The following IRAK2 variants were observed in gnomAD, a reference collection of about 807,000 sequenced individuals.
The protein encoded by IRAK2 is interleukin 1 receptor associated kinase 2.
In IRAK2, 57 loss-of-function variants were observed where a neutral mutation model predicts 72.0. That is an observed-to-expected ratio of 0.79 (90% CI 0.64 to 0.99). The LOEUF is 0.99. Ranked by LOEUF, IRAK2 falls within the 50% of genes least tolerant of loss-of-function variation. IRAK2 has a pLI of 0.00. For missense variants in IRAK2, 790 were observed against 794.4 expected, an observed-to-expected ratio of 0.99 and a Z score of 0.07; for synonymous variants, 293 against 312.7, an observed-to-expected ratio of 0.94 and a Z score of 0.67.
In IRAK2 at chr3:10,184,967, G is replaced by A. The variant is rs571301430; in HGVS notation, c.277+6947G>A. 8.0e-5 allele frequency among the ~76,000 whole-genome samples: 12 copies of A among 150,512 alleles called. No individual in the cohort carries two copies. The East Asian group carries it at 1.2e-3, about 15-fold the overall frequency. On this transcript the variant is annotated intron_variant, in intron 2 of 12. Coordinates refer to ENST00000256458, the MANE Select transcript of IRAK2 (RefSeq NM_001570.4). ...TTAGCCAGGGTGATCTCCTGACCTC[G>A]TGATCCGCCCGCCTTGGCCTCCCAA...
chr3:10,186,043 C>T (rs1697069969), intron 2 of IRAK2, among the ~76,000 whole-genome samples: 1 of 151,334 alleles, frequency 6.6e-6, no homozygotes, highest in African/African-American at 2.5e-5. Flanking sequence ...GCACTTCAGC[C>T]TGGGTGACAG....
intron 3 of IRAK2, among the ~76,000 whole-genome samples, chr3:10,208,702 G>T (rs561358970): frequency 6.6e-6 from 1 of 151,870 alleles, no homozygotes; most frequent in African/African-American, 2.4e-5. Context: ...GGCGGAGCTT[G>T]CAGTGAGCCG....
In IRAK2 at chr3:10,213,335, G is replaced by A. The variant is rs1697553225; in HGVS notation, c.657G>A (p.Gly219=). The part of the protein sequence containing the change: ...DFNQNRKISQ[G]TFADVYRGHR... ...ATCAAAACCGCAAAATCAGCCAGGG[G>A]ACCTTTGCTGACGTCTACAGAGGGC... Residue 219 remains glycine, a synonymous_variant, in exon 5 of 13, where the codon GGG becomes GGA. Coordinates refer to ENST00000256458, the MANE Select transcript of IRAK2 (RefSeq NM_001570.4). The A allele has an allele frequency of 1.2e-6, 2 of 1,614,086 alleles. No individual in the cohort carries two copies. Among genetic ancestry groups the A allele is most frequent in the East Asian group, 4.5e-5 (2 of 44,876 alleles).
intron 2 of IRAK2, among the ~76,000 whole-genome samples, chr3:10,183,065 C>G (rs529107949): frequency 1.3e-4 from 20 of 152,302 alleles, no homozygotes; most frequent in African/African-American, 4.3e-4. Flanking sequence ...AGCCACCGCG[C>G]CTGGCTGGAT....
intron 12 of IRAK2, 139 bp from the exon 13 acceptor site, chr3:10,241,975 TAA>T: frequency 5.5e-6 from 2 of 360,928 alleles, no homozygotes; most frequent in Non-Finnish European, 9.2e-6. Context: ...CCTGTCTCGA[TAA>T]AAAAAAAAGA....
At chr3:10,241,988 A>G in intron 12 of IRAK2, 128 bp from the exon 13 acceptor site, 6 of 479,546 alleles carry the variant, frequency 1.3e-5, no homozygotes, top group South Asian at 2.7e-5. Flanking sequence ...AAAAAAAAGA[A>G]AAAAAAAAAA....
At position 10,186,068 on chromosome 3, in the gene IRAK2, TCAA is replaced by T. The variant is rs370082817; in HGVS notation, c.277+8070_277+8072del. On this transcript the variant is annotated intron_variant, in intron 2 of 12. Coordinates refer to ENST00000256458, the MANE Select transcript of IRAK2 (RefSeq NM_001570.4). ...CTGGGTGACAGAGCAAGACTCCGTC[TCAA>T]CAACAACAACAACAACAACAAAACA... Among the ~76,000 whole-genome samples the T allele has an allele frequency of 2.3e-3, 343 of 151,078 alleles. 19 individuals are homozygous for T. Among genetic ancestry groups the T allele is most frequent in the African/African-American group, 7.8e-3 (315 of 40,630 alleles).
chr3:10,178,040 C>T lies in IRAK2; in HGVS notation c.277+20C>T, dbSNP rs1696905320. 4 of 1,578,362 alleles carry T rather than the reference C, an allele frequency of 2.5e-6. No individual in the cohort carries two copies. Among genetic ancestry groups the T allele is most frequent in the Non-Finnish European group, 3.5e-6 (4 of 1,158,076 alleles). On this transcript the variant is annotated intron_variant, in intron 2 of 12. Transcript: ENST00000256458. ...TGAACTGTGAGTAACTCAGGGCCCT[C>T]CTTGAGTGGGGCCCATCACGCTCCT... is the stretch of plus-strand genomic sequence containing the variant.
rs138639711 is a variant in IRAK2 at position 10,237,929 on chromosome 3, C to CTGTGTGTGTGTGTG, written c.1474-794_1474-781dup. ...GGGTATAAGGGTATGTATGTGTGCT[C>CTGTGTGTGTGTGTG]TGTGTGTGTGTGTGTGTGTGTGTGT... On this transcript the variant is annotated intron_variant, in intron 11 of 12. Coordinates refer to ENST00000256458, the MANE Select transcript of IRAK2 (RefSeq NM_001570.4). Among the ~76,000 whole-genome samples, 285 of 138,314 alleles carry CTGTGTGTGTGTGTG rather than the reference C, an allele frequency of 2.1e-3. 2 individuals carry two copies. The highest frequency in any genetic ancestry group is 3.5e-3 in the Middle Eastern group (1 of 286). The allele number at this position is 138,314 out of a possible 152,430, so 90.7% of individuals were successfully genotyped here.
At position 10,202,394 on chromosome 3, in the gene IRAK2, C is replaced by T. The variant is rs1376171168; in HGVS notation, c.424+1879C>T. Among the ~76,000 whole-genome samples the T allele has an allele frequency of 7.2e-5, 11 of 152,192 alleles. No homozygotes were observed. In the East Asian group the frequency reaches 1.7e-3, roughly 24 times the overall value. ...ATCCTAGCACTTTGGGAGGCTGAGGCGGGTGGATCACGAGGTCAGGAGATC... is the reference window on the plus strand; with the variant it reads ...ATCCTAGCACTTTGGGAGGCTGAGGTGGGTGGATCACGAGGTCAGGAGATC... On this transcript the variant is annotated intron_variant, in intron 3 of 12. Transcript: ENST00000256458.
chr3:10,237,375 T>C (rs1361223230), intron 11 of IRAK2, among the ~76,000 whole-genome samples: 2 of 152,186 alleles, frequency 1.3e-5, no homozygotes, highest in African/African-American at 4.8e-5. Context: ...GGTCAGGGAC[T>C]GGAAGATAAT....
rs11465921 is a variant in IRAK2, at chr3:10,226,538, GC to G, written c.1272+108del. 6,079 of 870,168 alleles carry G rather than the reference GC, an allele frequency of 7.0e-3. 76 individuals are homozygous for G. The highest frequency in any genetic ancestry group is 0.04 in the African/African-American group (2,415 of 59,686). The allele number at this position is 870,168 out of a possible 1,614,324, so 53.9% of individuals were successfully genotyped here. ...AGCTAGTTTTACACATGCAAATGAG[GC>G]CCGGTACAAGGTTGCATTTGCATCC... On this transcript the variant is annotated intron_variant, in intron 10 of 12. Coordinates refer to ENST00000256458, the MANE Select transcript of IRAK2 (RefSeq NM_001570.4).
At chr3:10,205,020 A>G (rs890630882) in intron 3 of IRAK2, among the ~76,000 whole-genome samples, 3 of 152,132 alleles carry the variant, frequency 2.0e-5, no homozygotes, top group Admixed American at 6.5e-5. Context: ...ACATTTTTAT[A>G]TGAAAAAATT....
At chr3:10,195,063 G>A (rs1161533558) in intron 2 of IRAK2, among the ~76,000 whole-genome samples, 1 of 152,136 alleles carries the variant, frequency 6.6e-6, no homozygotes, top group African/African-American at 2.4e-5. Context: ...TGGGGCCACC[G>A]CATGTCACTG....
chr3:10,200,955 C>G (rs1242180081), intron 3 of IRAK2, among the ~76,000 whole-genome samples: 1 of 152,166 alleles, frequency 6.6e-6, no homozygotes, highest in African/African-American at 2.4e-5. Context: ...TAATGTCAGA[C>G]AGTCACAACA....
At chr3:10,208,764 A>G (rs1168616971) in intron 3 of IRAK2, among the ~76,000 whole-genome samples, 2 of 148,830 alleles carry the variant, frequency 1.3e-5, no homozygotes, top group Admixed American at 6.7e-5. Flanking sequence ...CTCCATCTCA[A>G]AAAAAAAAAA....
chr3:10,188,562 T>C (rs1270731103), intron 2 of IRAK2, among the ~76,000 whole-genome samples: 1 of 152,154 alleles, frequency 6.6e-6, no homozygotes, highest in Non-Finnish European at 1.5e-5. Context: ...GTTTCGCTCT[T>C]GTTGCCCAGG....
At position 10,184,723 on chromosome 3, in the gene IRAK2, G is replaced by GTTTT. The variant is rs55839723; in HGVS notation, c.277+6724_277+6727dup. Among the ~76,000 whole-genome samples, 295 of 101,994 alleles carry GTTTT rather than the reference G, an allele frequency of 2.9e-3. 5 individuals are homozygous for GTTTT. Among genetic ancestry groups the GTTTT allele is most frequent in the Middle Eastern group, 6.5e-3 (1 of 154 alleles). 66.9% of individuals were successfully genotyped at this position (101,994 alleles called of 152,430 possible). ...CTGTTTTTTTGTGGAGTTTTTGTGT[G>GTTTT]TTTTTTTTTTTTTTTTTTTTTTTTG... is the stretch of plus-strand genomic sequence containing the variant. On this transcript the variant is annotated intron_variant, in intron 2 of 12. Coordinates refer to ENST00000256458, the MANE Select transcript of IRAK2 (RefSeq NM_001570.4).
chr3:10,169,877 G>C (rs1247552834), intron 1 of IRAK2, among the ~76,000 whole-genome samples: 1 of 152,202 alleles, frequency 6.6e-6, no homozygotes, highest in Non-Finnish European at 1.5e-5. Context: ...TTTATGTTCA[G>C]AGATTGCAGT....
Sources: gnomAD v4.1 joint callset for allele counts (sites outside exome capture counted in the v4.1 genomes callset) on GRCh38, gnomAD v4.1.1 for gene constraint, MANE v1.5 for transcripts, NCBI Gene and HGNC (gene_info 2026-07-23, HGNC 2026-07-21) for gene names.